ME1: variants seen among roughly 807,000 people sequenced by gnomAD.
ME1 encodes the protein malic enzyme 1.
Under a neutral mutation model 66.4 loss-of-function variants are expected in ME1, and 74 were observed. The observed-to-expected ratio is 1.11, with a 90% CI of 0.92 to 1.35. ME1 has a LOEUF of 1.35. Among genes scored for constraint, ME1 ranks in the 40% most tolerant of loss-of-function variants. The pLI, the probability that ME1 is intolerant of heterozygous loss-of-function variation, is 0.00. For synonymous variants in ME1, 251 were observed against 235.6 expected (o/e 1.07, Z -0.60); for missense variants, 750 against 694.1 (o/e 1.08, Z -0.90).
At chr6:83,215,968 C>T (rs1394085641) in intron 13 of ME1, among the ~76,000 whole-genome samples, 1 of 152,170 alleles carries the variant, frequency 6.6e-6, no homozygotes, top group African/African-American at 2.4e-5. Context: ...TTGGGTTCTT[C>T]TTGGCTAACT....
At chr6:83,324,242 T>G (rs1439781228) in intron 5 of ME1, among the ~76,000 whole-genome samples, 1 of 151,552 alleles carries the variant, frequency 6.6e-6, no homozygotes, top group African/African-American at 2.4e-5. Flanking sequence ...GGGGGAAAGA[T>G]CTAAAATTGA....
chr6:83,230,585 GA>G (rs1243962163), intron 9 of ME1, among the ~76,000 whole-genome samples: 2 of 152,058 alleles, frequency 1.3e-5, no homozygotes, highest in East Asian at 3.9e-4. Flanking sequence ...TTGTGAAGAA[GA>G]AAAAAATCAT....
intron 6 of ME1, among the ~76,000 whole-genome samples, chr6:83,283,879 C>T (rs373848589): frequency 6.6e-6 from 1 of 152,038 alleles, no homozygotes; most frequent in Non-Finnish European, 1.5e-5. Flanking sequence ...AAATAAATAA[C>T]TAAAATCAGA....
Position 83,294,018 on chromosome 6 carries a change from C to G in ME1, c.704+21292G>C, listed in dbSNP as rs548765526. Among the ~76,000 whole-genome samples the G allele has an allele frequency of 2.6e-5, 4 of 152,102 alleles. No individual in the cohort carries two copies. In the South Asian group the frequency reaches 8.3e-4, roughly 32 times the overall value. Reference sequence around the variant, plus strand: ...TTTAAATAAGAAAACTAAGACAGGGCTGAAGTTGGTATTATCCTCAACTAT... The same window carrying G: ...TTTAAATAAGAAAACTAAGACAGGGGTGAAGTTGGTATTATCCTCAACTAT... On this transcript the variant is annotated intron_variant, in intron 6 of 13. Coordinates refer to ENST00000369705, the MANE Select transcript of ME1 (RefSeq NM_002395.6).
At chr6:83,428,256 T>C (rs1201312307) in intron 1 of ME1, among the ~76,000 whole-genome samples, 1 of 152,144 alleles carries the variant, frequency 6.6e-6, no homozygotes, top group Non-Finnish European at 1.5e-5. Context: ...ACGAATAAGA[T>C]AAATTTGGAG....
At chr6:83,429,846 CA>C (rs1327249593) in intron 1 of ME1, among the ~76,000 whole-genome samples, 1 of 152,104 alleles carries the variant, frequency 6.6e-6, no homozygotes, top group Admixed American at 6.5e-5. Context: ...AAGAGACAAC[CA>C]AAATAACTAA....
chr6:83,399,084 C>T (rs554399008), intron 2 of ME1, among the ~76,000 whole-genome samples: 1 of 152,168 alleles, frequency 6.6e-6, no homozygotes, highest in East Asian at 1.9e-4. Context: ...ACCTCTGTCT[C>T]CTGGGTTCAA....
intron 5 of ME1, among the ~76,000 whole-genome samples, chr6:83,317,837 C>T (rs536982715): frequency 3.7e-4 from 56 of 152,202 alleles, no homozygotes; most frequent in East Asian, 1.9e-3. Context: ...AGAGCCCGCA[C>T]TGCCAAGTCA....
intron 9 of ME1, among the ~76,000 whole-genome samples, chr6:83,237,306 GAAAGAAAGAAAAGGAAGGA>G (rs1790430573): frequency 4.4e-5 from 4 of 90,572 alleles, no homozygotes; most frequent in South Asian, 3.2e-4. Context: ...GAAAGAAAAA[GAAAGAAAGAAAAGGAAGGA>G]AAGGAAGGAA....
At chr6:83,291,446 C>T (rs1180424512) in intron 6 of ME1, among the ~76,000 whole-genome samples, 2 of 152,166 alleles carry the variant, frequency 1.3e-5, no homozygotes, top group African/African-American at 4.8e-5. Context: ...TGAATATTGG[C>T]CCCTAGCCTC....
At chr6:83,369,870 A>T (rs1425693685) in intron 3 of ME1, among the ~76,000 whole-genome samples, 2 of 152,172 alleles carry the variant, frequency 1.3e-5, no homozygotes, top group African/African-American at 4.8e-5. Context: ...GTATAATAAG[A>T]TTTAAACTGA....
chr6:83,334,012 C>A (rs1388255587), intron 5 of ME1, among the ~76,000 whole-genome samples: 1 of 151,922 alleles, frequency 6.6e-6, no homozygotes, highest in Non-Finnish European at 1.5e-5. Context: ...CCAGCGTGAG[C>A]GACGCAGAAG....
At chr6:83,265,760 T>G (rs1380919437) in intron 6 of ME1, among the ~76,000 whole-genome samples, 1 of 152,192 alleles carries the variant, frequency 6.6e-6, no homozygotes, top group Non-Finnish European at 1.5e-5. Flanking sequence ...GTGCACACTT[T>G]CAGACCATAT....
At chr6:83,324,654 G>A (rs1234609598) in intron 5 of ME1, among the ~76,000 whole-genome samples, 7 of 116,654 alleles carry the variant, frequency 6.0e-5, no homozygotes, top group East Asian at 2.7e-4. Context: ...GGAAGAAGTC[G>A]AATCCCCGAA....
rs61055748 is a variant in ME1, at chr6:83,298,931, G to GTT, written c.704+16377_704+16378dup. Among the ~76,000 whole-genome samples the GTT allele has an allele frequency of 1.8e-4, 4 of 22,496 alleles. 2 individuals are homozygous for GTT. The highest frequency in any genetic ancestry group is 3.8e-4 in the African/African-American group (2 of 5,332). The allele number at this position is 22,496 out of a possible 152,430, so 14.8% of individuals were successfully genotyped here. ...TGCTGTTCCATTAGTCTATGTGTCT[G>GTT]TTTTTTTTTTTTTTTTTTTTTTTTT... On this transcript the variant is annotated intron_variant, in intron 6 of 13. Transcript: ENST00000369705.
intron 4 of ME1, among the ~76,000 whole-genome samples, chr6:83,348,686 T>TAA (rs538722681): frequency 6.4e-5 from 9 of 140,540 alleles, no homozygotes; most frequent in Admixed American, 7.2e-5. Context: ...TCTTGAACAT[T>TAA]AAAAAAAAAA....
chr6:83,331,993 A>T (rs1768420766), intron 5 of ME1, among the ~76,000 whole-genome samples: 1 of 152,200 alleles, frequency 6.6e-6, no homozygotes, highest in South Asian at 2.1e-4. Context: ...CTATGAAAAG[A>T]TTTGGCAACA....
At chr6:83,416,251 G>A (rs573975466) in intron 1 of ME1, among the ~76,000 whole-genome samples, 2 of 152,258 alleles carry the variant, frequency 1.3e-5, no homozygotes, top group Admixed American at 6.5e-5. Context: ...TGCATCCTAC[G>A]TAAATTATAA....
chr6:83,253,312 T>A (rs1252511613), intron 7 of ME1, among the ~76,000 whole-genome samples: 1 of 152,172 alleles, frequency 6.6e-6, no homozygotes, highest in Admixed American at 6.5e-5. Flanking sequence ...GAGAGAAGTA[T>A]GTATACTTTT....
Sources: allele counts gnomAD v4.1 joint callset (sites outside exome capture counted in the v4.1 genomes callset), GRCh38; gene constraint gnomAD v4.1.1; transcripts MANE v1.5; gene names NCBI Gene and HGNC (gene_info 2026-07-23, HGNC 2026-07-21).